ASIC2: variants seen among roughly 807,000 people sequenced by gnomAD.
ASIC2 encodes acid sensing ion channel subunit 2.
In ASIC2, 25 loss-of-function variants were observed where a neutral mutation model predicts 57.3. The ratio of observed to expected loss-of-function variants is 0.44; its 90% confidence interval spans 0.32 to 0.61. ASIC2 has a LOEUF of 0.61. ASIC2 is among the 20% of genes least tolerant of loss of function. The probability of loss-of-function intolerance (pLI) is 0.06; values close to 1 mark genes in which losing one functional copy is unlikely to be tolerated. For missense variants in ASIC2, 641 were observed against 738.1 expected, an observed-to-expected ratio of 0.87 and a Z score of 1.52; for synonymous variants, 319 against 307.5, an observed-to-expected ratio of 1.04 and a Z score of -0.39.
chr17:33,206,220 C>A (rs1272271874), intron 1 of ASIC2, among the ~76,000 whole-genome samples: 1 of 152,118 alleles, frequency 6.6e-6, no homozygotes, highest in East Asian at 1.9e-4. Flanking sequence ...TATCATATTG[C>A]CTCATAAATC....
rs535319962 is a variant in ASIC2, at chr17:33,739,399, TAGAC to T, written c.555+416575_555+416578del. Among the ~76,000 whole-genome samples, 13 of 152,360 alleles carry T rather than the reference TAGAC, an allele frequency of 8.5e-5. No individual in the cohort carries two copies. The South Asian group carries it at 2.7e-3, about 32-fold the overall frequency. ...GCTCTGTCACTGTTATGTGTGACCT[TAGAC>T]AGATCTCCTAAGCCTCCACCAATAA... On this transcript the variant is annotated intron_variant, in intron 1 of 9. Transcript: ENST00000359872.
At chr17:33,923,836 A>C (rs1338413039) in intron 1 of ASIC2, among the ~76,000 whole-genome samples, 1 of 152,182 alleles carries the variant, frequency 6.6e-6, no homozygotes, top group Non-Finnish European at 1.5e-5. Context: ...TTCTCAGCCC[A>C]TGCTAGACTA....
At chr17:34,017,973 A>G (rs1301132607) in intron 1 of ASIC2, among the ~76,000 whole-genome samples, 1 of 152,240 alleles carries the variant, frequency 6.6e-6, no homozygotes, top group Non-Finnish European at 1.5e-5. Flanking sequence ...AATAATTGAC[A>G]AAGGTGACCA....
chr17:33,911,032 G>A (rs1915451461), intron 1 of ASIC2, among the ~76,000 whole-genome samples: 1 of 152,210 alleles, frequency 6.6e-6, no homozygotes, highest in Admixed American at 6.5e-5. Flanking sequence ...TACAGCTCCA[G>A]TAAAACCACA....
At chr17:33,802,823 C>T (rs761693796) in intron 1 of ASIC2, among the ~76,000 whole-genome samples, 3 of 152,250 alleles carry the variant, frequency 2.0e-5, no homozygotes, top group Non-Finnish European at 4.4e-5. Flanking sequence ...TGCCAACCTT[C>T]CCTCTTGTGT....
intron 1 of ASIC2, among the ~76,000 whole-genome samples, chr17:34,130,583 C>T (rs1045803369): frequency 3.3e-5 from 5 of 152,236 alleles, no homozygotes; most frequent in Non-Finnish European, 7.3e-5. Context: ...GTCTTATAAG[C>T]TTCAATGCCC....
intron 1 of ASIC2, among the ~76,000 whole-genome samples, chr17:33,661,460 T>C (rs143878906): frequency 1.5e-3 from 231 of 152,306 alleles, no homozygotes; most frequent in African/African-American, 5.3e-3. Context: ...CAGAGCACCC[T>C]GAAGTTGTGT....
chr17:33,558,991 C>T (rs993975307), intron 1 of ASIC2, among the ~76,000 whole-genome samples: 1 of 152,166 alleles, frequency 6.6e-6, no homozygotes, highest in African/African-American at 2.4e-5. Flanking sequence ...TGGTCTCAAA[C>T]TCCTGACCTC....
intron 1 of ASIC2, among the ~76,000 whole-genome samples, chr17:33,849,329 T>G (rs1007772722): frequency 9.9e-5 from 15 of 152,282 alleles, no homozygotes; most frequent in Middle Eastern, 6.8e-3. Context: ...GGACTAGTGC[T>G]CTACTGCAGT....
intron 1 of ASIC2, among the ~76,000 whole-genome samples, chr17:34,134,410 C>T (rs552010820): frequency 4.6e-5 from 7 of 152,272 alleles, no homozygotes; most frequent in South Asian, 2.1e-4. Flanking sequence ...CAAGTCCATC[C>T]GGGCAAGTTA....
chr17:33,736,122 A>G (rs1351103025), intron 1 of ASIC2, among the ~76,000 whole-genome samples: 1 of 152,056 alleles, frequency 6.6e-6, no homozygotes. Context: ...CTCAATAAAT[A>G]TTTGCTGGCT....
rs1904523484 is a variant in ASIC2 at position 33,272,236 on chromosome 17, T to G, written c.708+19172A>C. On this transcript the variant is annotated intron_variant, in intron 1 of 9. Coordinates refer to ENST00000225823, the MANE Select transcript of ASIC2 (RefSeq NM_183377.2). Reference sequence around the variant, plus strand: ...TATTTTGTTGTCTTCAGAGCACTCATTATCATCTGAAATTATGGCATTTGT... The same window carrying G: ...TATTTTGTTGTCTTCAGAGCACTCAGTATCATCTGAAATTATGGCATTTGT... 2.6e-5 allele frequency among the ~76,000 whole-genome samples: 4 copies of G among 152,240 alleles called. No homozygotes were observed. In the South Asian group the frequency reaches 8.3e-4, roughly 32 times the overall value.
intron 1 of ASIC2, among the ~76,000 whole-genome samples, chr17:33,889,129 T>C (rs577173997): frequency 6.6e-6 from 1 of 152,274 alleles, no homozygotes; most frequent in South Asian, 2.1e-4. Context: ...TCTCTTGTGG[T>C]GAGGGCACTG....
At chr17:33,572,307 C>G (rs953466639) in intron 1 of ASIC2, 2 of 149,750 alleles carry the variant, frequency 1.3e-5, no homozygotes, top group Non-Finnish European at 2.9e-5. Flanking sequence ...AACGCACCCC[C>G]CCCACCCCAG....
chr17:33,066,378 C>G (rs1028669496), intron 3 of ASIC2, among the ~76,000 whole-genome samples: 15 of 152,140 alleles, frequency 9.9e-5, no homozygotes, highest in Non-Finnish European at 1.8e-4. Flanking sequence ...AGGTCCTGGA[C>G]CCCATGACCC....
At chr17:33,707,305 C>T (rs904728868) in intron 1 of ASIC2, among the ~76,000 whole-genome samples, 8 of 152,098 alleles carry the variant, frequency 5.3e-5, no homozygotes, top group African/African-American at 1.9e-4. Flanking sequence ...CATTCTAGCT[C>T]TTGTATAATT....
Position 33,248,928 on chromosome 17 carries a change from AT to A in ASIC2, c.708+42479del, listed in dbSNP as rs762777289. Among the ~76,000 whole-genome samples, 15 of 152,156 alleles carry A rather than the reference AT, an allele frequency of 9.9e-5. No individual in the cohort carries two copies. The East Asian group carries it at 2.5e-3, about 26-fold the overall frequency. On this transcript the variant is annotated intron_variant, in intron 1 of 9. Coordinates refer to ENST00000225823, the MANE Select transcript of ASIC2 (RefSeq NM_183377.2). ...CAGCTTCCTGGGGTTGGTACTTGGT[AT>A]TTTTGGGGTCCATGACCCAGCCTCC...
chr17:33,051,739 C>T (rs377016474), intron 3 of ASIC2, among the ~76,000 whole-genome samples: 2 of 152,154 alleles, frequency 1.3e-5, no homozygotes, highest in Non-Finnish European at 2.9e-5. Context: ...CAGAATCTAG[C>T]GCACTGCCTA....
chr17:33,331,229 C>T (rs2142225974), intron 1 of ASIC2, among the ~76,000 whole-genome samples: 1 of 152,310 alleles, frequency 6.6e-6, no homozygotes, highest in Non-Finnish European at 1.5e-5. Flanking sequence ...CCTGCCAACC[C>T]AGTTCATGGA....
Sources: gnomAD v4.1 joint callset for allele counts (sites outside exome capture counted in the v4.1 genomes callset) on GRCh38, gnomAD v4.1.1 for gene constraint, MANE v1.5 for transcripts, NCBI Gene and HGNC (gene_info 2026-07-23, HGNC 2026-07-21) for gene names.